Variants in BCAS3 observed in about 807,000 individuals in gnomAD.
BCAS3 encodes the protein BCAS4/BCAS3 fusion.
BCAS3 carries 53 observed loss-of-function variants against 116.1 expected under a neutral mutation model. That is an observed-to-expected ratio of 0.46 (90% CI 0.37 to 0.57). The LOEUF is 0.57. Ranked by LOEUF, BCAS3 falls within the 20% of genes least tolerant of loss-of-function variation. The pLI is 0.00. For synonymous variants in BCAS3, 391 were observed against 408.2 expected, an observed-to-expected ratio of 0.96 and a Z score of 0.51; for missense variants, 917 against 1,165.4, an observed-to-expected ratio of 0.79 and a Z score of 3.10.
In BCAS3 at chr17:61,004,707, G is replaced by A. The variant is rs2064524747; in HGVS notation, c.1487-11044G>A. The stretch of plus-strand genomic sequence containing the variant: ...GGATGAGAAAAGGAAAAGGATTTAA[G>A]GTTCATTGAAAGAGTTATTAACATT... On this transcript the variant is annotated intron_variant, in intron 15 of 23. Coordinates refer to ENST00000407086, the MANE Select transcript of BCAS3 (RefSeq NM_017679.5). The surrounding 1 kb of genome is among the most constrained non-coding windows in gnomAD (Gnocchi z 4.8). Among the ~76,000 whole-genome samples the A allele has an allele frequency of 6.6e-6, 1 of 152,068 alleles. No individual in the cohort carries two copies. The highest frequency in any genetic ancestry group is 2.1e-4 in the South Asian group (1 of 4,834).
At chr17:60,884,530 G>A (rs1487705306) in intron 9 of BCAS3, among the ~76,000 whole-genome samples, 1 of 147,220 alleles carries the variant, frequency 6.8e-6, no homozygotes, top group East Asian at 2.0e-4. Context: ...TTTTCATTGT[G>A]ATGTTAGGGT....
intron 6 of BCAS3, among the ~76,000 whole-genome samples, chr17:60,760,647 CT>C (rs60838860): frequency 0.26 from 39,928 of 151,662 alleles, 11,083 homozygotes; most frequent in African/African-American, 0.71. Context: ...AATATTTTCT[CT>C]TTTGCTTGGC....
In BCAS3 at chr17:61,208,446, C is replaced by T. The variant is rs1052985411; in HGVS notation, c.2425+123882C>T. On this transcript the variant is annotated intron_variant, in intron 22 of 23. Coordinates refer to ENST00000407086, the MANE Select transcript of BCAS3 (RefSeq NM_017679.5). This position sits in a 1 kb window ranked among gnomAD's most constrained non-coding sequence, Gnocchi z 4.5. Reference sequence around the variant, plus strand: ...AGAAATGAAATGTGCTAGTAAGTGTCGTTAAAAAACTGAGAGTTTTTCTTC... The same window carrying T: ...AGAAATGAAATGTGCTAGTAAGTGTTGTTAAAAAACTGAGAGTTTTTCTTC... 6.6e-6 allele frequency among the ~76,000 whole-genome samples: 1 copy of T among 152,068 alleles called. No individual in the cohort carries two copies. The highest frequency in any genetic ancestry group is 1.5e-5 in the Non-Finnish European group (1 of 68,010).
chr17:60,874,631 C>G, intron 8 of BCAS3, 31 bp from the exon 9 acceptor site: 1 of 1,505,540 alleles, frequency 6.6e-7, no homozygotes, highest in Non-Finnish European at 9.2e-7. Flanking sequence ...CACTTTTTTT[C>G]TTTCTGTTTT....
intron 13 of BCAS3, among the ~76,000 whole-genome samples, chr17:60,934,071 C>CT (rs1428231458): frequency 6.6e-6 from 1 of 151,876 alleles, no homozygotes; most frequent in African/African-American, 2.4e-5. Context: ...GACCACAATA[C>CT]TTTTAGAACC....
chr17:61,305,761 T>C (rs1167631218), intron 22 of BCAS3, among the ~76,000 whole-genome samples: 1 of 152,128 alleles, frequency 6.6e-6, no homozygotes, highest in African/African-American at 2.4e-5. Flanking sequence ...CTGGGTGTGG[T>C]AGCGTGCGGC....
rs571950283 is a variant in BCAS3, at chr17:60,932,674, G to A, written c.1087+8174G>A. On this transcript the variant is annotated intron_variant, in intron 13 of 23. Coordinates refer to ENST00000407086, the MANE Select transcript of BCAS3 (RefSeq NM_017679.5). ...GAAGAATGGCATGAACTTGGGAGGCGGAGCTTGCAGTGAGCCAAGATGGTG... is the reference window on the plus strand; with the variant it reads ...GAAGAATGGCATGAACTTGGGAGGCAGAGCTTGCAGTGAGCCAAGATGGTG... Among the ~76,000 whole-genome samples the A allele has an allele frequency of 1.1e-4, 16 of 149,906 alleles. No individual in the cohort carries two copies. In the South Asian group the frequency reaches 2.6e-3, roughly 24 times the overall value.
At chr17:60,869,960 C>G (rs906368632) in intron 8 of BCAS3, among the ~76,000 whole-genome samples, 1 of 152,186 alleles carries the variant, frequency 6.6e-6, no homozygotes, top group Non-Finnish European at 1.5e-5. Flanking sequence ...CTCTTATTTA[C>G]TTTCCTCTTT....
intron 7 of BCAS3, among the ~76,000 whole-genome samples, chr17:60,835,611 A>C (rs1410458972): frequency 6.6e-6 from 1 of 152,118 alleles, no homozygotes; most frequent in Non-Finnish European, 1.5e-5. Context: ...AGATTGAATC[A>C]AATGTTTAAA....
chr17:61,196,473 T>G lies in BCAS3; in HGVS notation c.2425+111909T>G, dbSNP rs1176989960. ...TGGCAAAGGATATGGCAATCATTTA[T>G]ATAAATATGCTTTCTCAAGCCCACA... On this transcript the variant is annotated intron_variant, in intron 22 of 23. Transcript: ENST00000407086. This position sits in a 1 kb window ranked among gnomAD's most constrained non-coding sequence, Gnocchi z 4.7. Among the ~76,000 whole-genome samples the G allele has an allele frequency of 1.3e-5, 2 of 152,212 alleles. No individual in the cohort carries two copies. The highest frequency in any genetic ancestry group is 2.9e-5 in the Non-Finnish European group (2 of 68,044).
Position 61,233,206 on chromosome 17 carries a change from G to T in BCAS3, c.2426-135121G>T, listed in dbSNP as rs1056503883. Among the ~76,000 whole-genome samples the T allele has an allele frequency of 7.9e-5, 12 of 152,176 alleles. No homozygotes were observed. The highest frequency in any genetic ancestry group is 2.9e-4 in the African/African-American group (12 of 41,436). On this transcript the variant is annotated intron_variant, in intron 22 of 23. Coordinates refer to ENST00000407086, the MANE Select transcript of BCAS3 (RefSeq NM_017679.5). This position sits in a 1 kb window ranked among gnomAD's most constrained non-coding sequence, Gnocchi z 4.3. ...CTCTTTGAGGGATAATGGAAAGGAGGTGATAAAGATTAGAGCTGATTGGGA... is the reference window on the plus strand; with the variant it reads ...CTCTTTGAGGGATAATGGAAAGGAGTTGATAAAGATTAGAGCTGATTGGGA...
In BCAS3 at chr17:61,244,796, G is replaced by A. The variant is rs1056511596; in HGVS notation, c.2426-123531G>A. On this transcript the variant is annotated intron_variant, in intron 22 of 23. Coordinates refer to ENST00000407086, the MANE Select transcript of BCAS3 (RefSeq NM_017679.5). The surrounding 1 kb of genome is among the most constrained non-coding windows in gnomAD (Gnocchi z 4.9). ...GAGAATGGCATGAACCCAGGAGGCA[G>A]AGCTTGCAGTGAGCCGAGATCGCGC... Among the ~76,000 whole-genome samples, 25 of 152,274 alleles carry A rather than the reference G, an allele frequency of 1.6e-4. No homozygotes were observed. Among genetic ancestry groups the A allele is most frequent in the African/African-American group, 5.5e-4 (23 of 41,554 alleles).
At chr17:61,009,218 A>G (rs1721585049) in intron 15 of BCAS3, among the ~76,000 whole-genome samples, 1 of 152,032 alleles carries the variant, frequency 6.6e-6, no homozygotes, top group Non-Finnish European at 1.5e-5. Context: ...ACCATTGCTT[A>G]GTGTCCTTTA....
chr17:61,063,490 G>A lies in BCAS3; in HGVS notation c.2030-11430G>A, dbSNP rs1173865598. The stretch of plus-strand genomic sequence containing the variant: ...TCACCATGTTAGCCAGGATGGTCTC[G>A]ATCTCTTGATCTCGTGATCCGCCAC... On this transcript the variant is annotated intron_variant, in intron 19 of 23. Transcript: ENST00000407086. The surrounding 1 kb of genome is among the most constrained non-coding windows in gnomAD (Gnocchi z 5.3). 4.6e-5 allele frequency among the ~76,000 whole-genome samples: 7 copies of A among 151,990 alleles called. No homozygotes were observed. The highest frequency in any genetic ancestry group is 2.0e-4 in the Admixed American group (3 of 15,254).
intron 13 of BCAS3, among the ~76,000 whole-genome samples, chr17:60,933,051 T>C (rs1177317118): frequency 6.6e-6 from 1 of 152,046 alleles, no homozygotes; most frequent in Admixed American, 6.6e-5. Flanking sequence ...GGCACACGCC[T>C]GTAATCCCAG....
rs374695355 is a variant in BCAS3 at position 61,214,364 on chromosome 17, C to G, written c.2425+129800C>G. ...CCTCGGCCACAGAGCAAGACCCTAT[C>G]TCAAAAATAAATAAATAAATAAATA... On this transcript the variant is annotated intron_variant, in intron 22 of 23. Transcript: ENST00000407086. The surrounding 1 kb of genome is among the most constrained non-coding windows in gnomAD (Gnocchi z 4.4). 4.2e-5 allele frequency among the ~76,000 whole-genome samples: 6 copies of G among 144,020 alleles called. No homozygotes were observed. In the South Asian group the frequency reaches 8.3e-4, roughly 20 times the overall value. The allele number at this position is 144,020 out of a possible 152,430, so 94.5% of individuals were successfully genotyped here.
rs867553358 is a variant in BCAS3 at position 61,141,544 on chromosome 17, C to T, written c.2425+56980C>T. 4.6e-5 allele frequency among the ~76,000 whole-genome samples: 7 copies of T among 151,328 alleles called. No individual in the cohort carries two copies. The highest frequency in any genetic ancestry group is 1.2e-4 in the African/African-American group (5 of 41,128). ...CAGCACTCCAGCCTGGGCGGCAGAG[C>T]GAGACCCTGTCTCAAAAAATAAAAT... On this transcript the variant is annotated intron_variant, in intron 22 of 23. Transcript: ENST00000407086. The surrounding 1 kb of genome is among the most constrained non-coding windows in gnomAD (Gnocchi z 4.3).
intron 22 of BCAS3, among the ~76,000 whole-genome samples, chr17:61,345,611 T>G (rs1015818726): frequency 1.3e-5 from 2 of 152,154 alleles, no homozygotes; most frequent in African/African-American, 4.8e-5. Flanking sequence ...GTGCGTTTTG[T>G]GTAGCACAGC....
At chr17:61,003,457 T>C (rs1273972089) in intron 15 of BCAS3, among the ~76,000 whole-genome samples, 15 of 141,892 alleles carry the variant, frequency 1.1e-4, no homozygotes, top group African/African-American at 3.8e-4. Context: ...CTTGTCTCCC[T>C]TTCTTTGCCT....
Sources: gnomAD v4.1 joint callset for allele counts (sites outside exome capture counted in the v4.1 genomes callset) on GRCh38, gnomAD v4.1.1 for gene constraint, Gnocchi (gnomAD v3.1) non-coding constraint, MANE v1.5 for transcripts, NCBI Gene and HGNC (gene_info 2026-07-23, HGNC 2026-07-21) for gene names.